The following ITPR2 variants were observed in gnomAD, a reference collection of about 807,000 sequenced individuals.
ITPR2 encodes the protein inositol 1,4,5-trisphosphate-gated calcium channel ITPR2.
Under a neutral mutation model 317.1 loss-of-function variants are expected in ITPR2, and 207 were observed. That is an observed-to-expected ratio of 0.65 (90% CI 0.58 to 0.73). ITPR2 has a LOEUF of 0.73. Among genes scored for constraint, ITPR2 ranks in the 30% least tolerant of loss-of-function variants. The pLI, the probability that ITPR2 is intolerant of heterozygous loss-of-function variation, is 0.00. For synonymous variants in ITPR2, 1,156 were observed against 1,149.1 expected, an observed-to-expected ratio of 1.01 and a Z score of -0.12; for missense variants, 2,613 against 3,284.0, an observed-to-expected ratio of 0.80 and a Z score of 4.99.
chr12:26,759,657 A>G (rs1271604729), intron 2 of ITPR2, among the ~76,000 whole-genome samples: 2 of 152,252 alleles, frequency 1.3e-5, no homozygotes, highest in African/African-American at 2.4e-5. Context: ...TTAGAGGTGC[A>G]GAGCACAACT....
intron 30 of ITPR2, among the ~76,000 whole-genome samples, chr12:26,598,377 C>A (rs1369746921): frequency 6.6e-6 from 1 of 152,074 alleles, no homozygotes; most frequent in Admixed American, 6.5e-5. Flanking sequence ...TGAAAATGCC[C>A]AGAAACCAAT....
rs555753004 is a variant in ITPR2, at chr12:26,565,523, T to C, written c.4631-3571A>G. ...ATAGATAGATAGATAGATAGATAGATAGATAGACAGACAGACAGATAGATA... is the reference window on the plus strand; with the variant it reads ...ATAGATAGATAGATAGATAGATAGACAGATAGACAGACAGACAGATAGATA... On this transcript the variant is annotated intron_variant, in intron 34 of 56. Coordinates refer to ENST00000381340, the MANE Select transcript of ITPR2 (RefSeq NM_002223.4). Among the ~76,000 whole-genome samples, 199 of 139,012 alleles carry C rather than the reference T, an allele frequency of 1.4e-3. 1 individual carries two copies. Among genetic ancestry groups the C allele is most frequent in the Non-Finnish European group, 2.6e-3 (156 of 60,810 alleles). The allele number at this position is 139,012 out of a possible 152,430, so 91.2% of individuals were successfully genotyped here. A position where few individuals can be genotyped will look rare whatever the true frequency, so the allele number is the denominator to read the frequency against.
intron 31 of ITPR2, among the ~76,000 whole-genome samples, chr12:26,596,504 G>A (rs1945848935): frequency 6.6e-6 from 1 of 152,000 alleles, no homozygotes; most frequent in African/African-American, 2.4e-5. Flanking sequence ...AAAATTAGCT[G>A]AGCATGGTGG....
At chr12:26,538,584 T>C (rs1944167928) in intron 37 of ITPR2, among the ~76,000 whole-genome samples, 1 of 152,168 alleles carries the variant, frequency 6.6e-6, no homozygotes, top group Non-Finnish European at 1.5e-5. Flanking sequence ...TTTCTTTTTT[T>C]CTTTTTTTTT....
intron 32 of ITPR2, among the ~76,000 whole-genome samples, chr12:26,585,925 A>AT (rs1350399492): frequency 6.6e-6 from 1 of 152,036 alleles, no homozygotes; most frequent in South Asian, 2.1e-4. Context: ...ATTGGATCTT[A>AT]TTTTTTGTGT....
intron 37 of ITPR2, among the ~76,000 whole-genome samples, chr12:26,511,990 A>T (rs953122761): frequency 1.3e-5 from 2 of 152,006 alleles, no homozygotes; most frequent in African/African-American, 2.4e-5. Context: ...ACCTCCCAGT[A>T]CCTCTCTGCC....
intron 13 of ITPR2, 23 bp from the exon 14 acceptor site, chr12:26,666,074 TTTTAC>T: frequency 6.2e-7 from 1 of 1,601,112 alleles, no homozygotes. Context: ...GAAAAGGAAA[TTTTAC>T]TTTACAGTGT....
intron 26 of ITPR2, among the ~76,000 whole-genome samples, chr12:26,604,694 T>C (rs73292134): frequency 0.011 from 1,601 of 152,296 alleles, 34 homozygotes; most frequent in African/African-American, 0.037. Context: ...TCATAATGAA[T>C]ATTTGGACAG....
chr12:26,711,085 G>T, intron 9 of ITPR2, 88 bp downstream of exon 9: 1 of 798,472 alleles, frequency 1.3e-6, no homozygotes, highest in Non-Finnish European at 2.2e-6. Flanking sequence ...GACTGTTCCT[G>T]CAAATACGAT....
chr12:26,481,575 T>C (rs559354251), intron 42 of ITPR2, among the ~76,000 whole-genome samples: 176 of 152,310 alleles, frequency 1.2e-3, no homozygotes, highest in Non-Finnish European at 2.2e-3. Context: ...ACAGAGGAGA[T>C]CTTTAAGGTC....
At chr12:26,404,028 G>A (rs1431219222) in intron 52 of ITPR2, among the ~76,000 whole-genome samples, 2 of 152,134 alleles carry the variant, frequency 1.3e-5, no homozygotes, top group Non-Finnish European at 2.9e-5. Flanking sequence ...AGCGATTTCT[G>A]ACAAATAGTC....
chr12:26,798,056 T>C (rs1483594959), intron 1 of ITPR2, among the ~76,000 whole-genome samples: 1 of 152,084 alleles, frequency 6.6e-6, no homozygotes, highest in East Asian at 1.9e-4. Flanking sequence ...ACGCTGGGAT[T>C]TTCACTCTGC....
chr12:26,482,991 G>GTT (rs1942580631), intron 42 of ITPR2, among the ~76,000 whole-genome samples: 3 of 152,176 alleles, frequency 2.0e-5, no homozygotes, highest in African/African-American at 7.2e-5. Context: ...ATGCCTGAGA[G>GTT]GAGGTGAAAC....
intron 36 of ITPR2, among the ~76,000 whole-genome samples, chr12:26,555,708 C>T (rs908935720): frequency 6.6e-6 from 1 of 152,066 alleles, no homozygotes; most frequent in Non-Finnish European, 1.5e-5. Flanking sequence ...TGGCCATGTG[C>T]GGGGTCTGAG....
In ITPR2 at chr12:26,781,891, C is replaced by T. The variant is rs564716585; in HGVS notation, c.163+8266G>A. 5.3e-5 allele frequency among the ~76,000 whole-genome samples: 8 copies of T among 151,260 alleles called. No individual in the cohort carries two copies. The South Asian group carries it at 1.0e-3, about 20-fold the overall frequency. ...CCCAGCCTACATCTTTCTTCTGTGCCGGATGCTTCCTGCCCTCAAAGTTCT... is the reference window on the plus strand; with the variant it reads ...CCCAGCCTACATCTTTCTTCTGTGCTGGATGCTTCCTGCCCTCAAAGTTCT... On this transcript the variant is annotated intron_variant, in intron 2 of 56. Transcript: ENST00000381340.
At chr12:26,361,229 A>G (rs1490187705) in intron 55 of ITPR2, among the ~76,000 whole-genome samples, 1 of 149,594 alleles carries the variant, frequency 6.7e-6, no homozygotes, top group African/African-American at 2.5e-5. Context: ...AAAAAATGTT[A>G]CCAATAGCTT....
At chr12:26,566,723 T>C (rs931125069) in intron 34 of ITPR2, among the ~76,000 whole-genome samples, 36 of 152,348 alleles carry the variant, frequency 2.4e-4, no homozygotes, top group Middle Eastern at 3.4e-3. Context: ...CACCACTGCT[T>C]AAATTTCCTT....
chr12:26,755,453 G>A (rs1949503538), intron 2 of ITPR2, among the ~76,000 whole-genome samples: 1 of 152,206 alleles, frequency 6.6e-6, no homozygotes, highest in South Asian at 2.1e-4. Context: ...GAAGTCTAAA[G>A]TAATCTTTTT....
chr12:26,637,751 T>G (rs1277314111), intron 21 of ITPR2, among the ~76,000 whole-genome samples: 1 of 152,212 alleles, frequency 6.6e-6, no homozygotes, highest in Admixed American at 6.5e-5. Context: ...CTAATGAATA[T>G]GTGGTTTCAT....
Sources: gnomAD v4.1 joint callset for allele counts (sites outside exome capture counted in the v4.1 genomes callset) on GRCh38, gnomAD v4.1.1 for gene constraint, MANE v1.5 for transcripts, NCBI Gene and HGNC (gene_info 2026-07-23, HGNC 2026-07-21) for gene names.